The following UQCC1 variants were observed in gnomAD, a reference collection of about 807,000 sequenced individuals.
UQCC1 encodes the protein bFGF-repressed Zic-binding protein.
A neutral mutation model predicts 48.0 loss-of-function variants in UQCC1; 38 were observed. The observed-to-expected ratio is 0.79, with a 90% CI of 0.61 to 1.04. The LOEUF (loss-of-function observed/expected upper bound fraction) is 1.04, where lower values mean the gene tolerates loss of function less well. Among genes scored for constraint, UQCC1 ranks in the 50% least tolerant of loss-of-function variants. The probability of loss-of-function intolerance (pLI) is 0.00; values close to 1 mark genes in which losing one functional copy is unlikely to be tolerated. For synonymous variants in UQCC1, 111 were observed against 129.2 expected (o/e 0.86, Z 0.95); for missense variants, 368 against 381.8 (o/e 0.96, Z 0.30).
intron 7 of UQCC1, among the ~76,000 whole-genome samples, chr20:35,331,567 C>T (rs376393149): frequency 2.0e-5 from 3 of 152,116 alleles, no homozygotes; most frequent in Non-Finnish European, 4.4e-5. Context: ...ACACTTCACA[C>T]ATATCGTTTT....
At chr20:35,386,977 G>A (rs1476740232) in intron 2 of UQCC1, among the ~76,000 whole-genome samples, 2 of 151,938 alleles carry the variant, frequency 1.3e-5, no homozygotes, top group African/African-American at 4.8e-5. Context: ...CCTTTGCTTA[G>A]ATTAGAAAAT....
chr20:35,386,778 A>G (rs758066648), intron 2 of UQCC1, among the ~76,000 whole-genome samples: 18 of 151,486 alleles, frequency 1.2e-4, no homozygotes, highest in Non-Finnish European at 2.2e-4. Flanking sequence ...CTGTATTTCT[A>G]TCCTACCATT....
rs76795871 is a variant in UQCC1 at position 35,314,361 on chromosome 20, C to T, written c.651+327G>A. Reference sequence around the variant, plus strand: ...CCATGCTGTTTACGTGAATATCCTCCTCTCTCTGGGAGCACATGGGGCTAA... The same window carrying T: ...CCATGCTGTTTACGTGAATATCCTCTTCTCTCTGGGAGCACATGGGGCTAA... On this transcript the variant is annotated intron_variant, in intron 8 of 9. Transcript: ENST00000374385. 2.4e-3 allele frequency among the ~76,000 whole-genome samples: 365 copies of T among 152,180 alleles called. 11 individuals are homozygous for T. The East Asian group carries it at 0.067, about 28-fold the overall frequency.
At chr20:35,342,805 T>A (rs1047705989) in intron 7 of UQCC1, among the ~76,000 whole-genome samples, 3 of 152,262 alleles carry the variant, frequency 2.0e-5, no homozygotes, top group Admixed American at 6.5e-5. Context: ...AATGTTTTTT[T>A]AAGTCAGAAC....
rs2281555 is a variant in UQCC1, at chr20:35,314,912, C to T, written c.574-147G>A. The T allele has an allele frequency of 4.8e-3, 2,596 of 536,380 alleles. 98 individuals carry two copies. The East Asian group carries it at 0.077, about 16-fold the overall frequency. 33.2% of individuals were successfully genotyped at this position (536,380 alleles called of 1,614,324 possible). A position where few individuals can be genotyped will look rare whatever the true frequency, so the allele number is the denominator to read the frequency against. ...TCAAGCTGCCAGTCCATTCTCAATT[C>T]CCTGATGTGTCAGGATTCTCCCCAA... On this transcript the variant is annotated intron_variant, in intron 7 of 9. Coordinates refer to ENST00000374385, the MANE Select transcript of UQCC1 (RefSeq NM_018244.5).
Position 35,324,516 on chromosome 20 carries a change from C to T in UQCC1, c.574-9751G>A, listed in dbSNP as rs373592042. Among the ~76,000 whole-genome samples the T allele has an allele frequency of 3.3e-3, 505 of 152,192 alleles. 2 individuals carry two copies. The highest frequency in any genetic ancestry group is 0.011 in the African/African-American group (438 of 41,534). ...TAATTTGTTGTATTTTTAGTAGAGA[C>T]GGGGTTTCACCGTGTTAGCCAGGAT... On this transcript the variant is annotated intron_variant, in intron 7 of 9. Transcript: ENST00000374385.
intron 9 of UQCC1, 177 bp downstream of exon 9, chr20:35,306,489 C>A: frequency 1.7e-6 from 1 of 584,842 alleles, no homozygotes; most frequent in Non-Finnish European, 3.1e-6. Flanking sequence ...CTCCCTGGCC[C>A]AGTTCATGGT....
rs1019335424 is a variant in UQCC1, at chr20:35,352,616, A to G, written c.465-5344T>C. The stretch of plus-strand genomic sequence containing the variant: ...ATTATAATGGAGCAGAAAAATTCCT[A>G]TCACCTGGTCTAGATGATCCTGACC... On this transcript the variant is annotated intron_variant, in intron 6 of 9. Coordinates refer to ENST00000374385, the MANE Select transcript of UQCC1 (RefSeq NM_018244.5). 5.1e-4 allele frequency among the ~76,000 whole-genome samples: 77 copies of G among 152,310 alleles called. 1 individual carries two copies. The highest frequency in any genetic ancestry group is 5.9e-5 in the Non-Finnish European group (4 of 68,018).
Position 35,408,084 on chromosome 20 carries a change from A to G in UQCC1, c.24+3856T>C, listed in dbSNP as rs182735995. Among the ~76,000 whole-genome samples the G allele has an allele frequency of 5.3e-5, 8 of 152,318 alleles. No individual in the cohort carries two copies. The East Asian group carries it at 1.5e-3, about 29-fold the overall frequency. ...CTAGTCACTAGAGAAATGTAAATCA[A>G]TAATACAATGAGACACCATTTCATA... On this transcript the variant is annotated intron_variant, in intron 1 of 9. Transcript: ENST00000374385.
In UQCC1 at chr20:35,365,655, T is replaced by TTAA. The variant is rs1176299869; in HGVS notation, c.464+901_464+902insTTA. On this transcript the variant is annotated intron_variant, in intron 6 of 9. Transcript: ENST00000374385. ...CTAGGCAGCACAGTGAGACTATGTCTAAAAAAAAAAAAAAAAAAGCATAAA... is the reference window on the plus strand; with the variant it reads ...CTAGGCAGCACAGTGAGACTATGTCTTAAAAAAAAAAAAAAAAAAAAGCATAAA... 5.0e-5 allele frequency among the ~76,000 whole-genome samples: 6 copies of TTAA among 119,070 alleles called. No individual in the cohort carries two copies. The South Asian group carries it at 1.7e-3, about 34-fold the overall frequency. 78.1% of individuals were successfully genotyped at this position (119,070 alleles called of 152,430 possible).
rs1319730165 is a variant in UQCC1 at position 35,303,992 on chromosome 20, C to G, written c.843G>C (p.Lys281Asn). 1 of 1,614,064 alleles carries G rather than the reference C, an allele frequency of 6.2e-7. No homozygotes were observed. Among genetic ancestry groups the G allele is most frequent in the Non-Finnish European group, 8.5e-7 (1 of 1,180,028 alleles). The change falls in exon 10 of 10, where the codon AAG (lysine) becomes AAC (asparagine). Residue 281 changes from lysine (K) to asparagine (N), a missense_variant. Coordinates refer to ENST00000374385, the MANE Select transcript of UQCC1 (RefSeq NM_018244.5). ...GEVSWRPLVE[K>N]NPQSILKPHS... is the part of the protein sequence containing the mutation. ...GGGGCTTCAGGATGCTCTGAGGATT[C>G]TTCTCCACTAGAGGGCGCCAGCTCA...
intron 7 of UQCC1, among the ~76,000 whole-genome samples, chr20:35,317,283 T>A (rs1028401392): frequency 1.3e-5 from 2 of 152,244 alleles, no homozygotes; most frequent in African/African-American, 4.8e-5. Flanking sequence ...TGAGTTAGCA[T>A]GCATTCATTC....
intron 6 of UQCC1, among the ~76,000 whole-genome samples, chr20:35,356,855 G>GA (rs979727420): frequency 2.7e-5 from 4 of 150,132 alleles, no homozygotes; most frequent in African/African-American, 7.3e-5. Context: ...AGCACATCAG[G>GA]AAAAAAAAAG....
intron 7 of UQCC1, among the ~76,000 whole-genome samples, chr20:35,334,129 C>T (rs565920622): frequency 9.7e-4 from 147 of 152,290 alleles, no homozygotes; most frequent in Non-Finnish European, 1.8e-3. Context: ...TTCAAGAGCC[C>T]AACCTGAGCT....
At chr20:35,352,920 A>G (rs2061505374) in intron 6 of UQCC1, among the ~76,000 whole-genome samples, 2 of 152,104 alleles carry the variant, frequency 1.3e-5, no homozygotes, top group Admixed American at 6.5e-5. Flanking sequence ...CCTGGGCTCA[A>G]GTGATCTACC....
At chr20:35,406,555 T>C (rs564976875) in intron 1 of UQCC1, among the ~76,000 whole-genome samples, 14 of 152,212 alleles carry the variant, frequency 9.2e-5, no homozygotes, top group African/African-American at 3.4e-4. Context: ...ATAAACAAAA[T>C]GGAAAGAATT....
chr20:35,304,554 G>A (rs1432359002), intron 9 of UQCC1: 2 of 184,456 alleles, frequency 1.1e-5, no homozygotes, highest in South Asian at 1.2e-4. Flanking sequence ...TGAGAGAGGG[G>A]ATAGAAACAG....
chr20:35,401,294 T>C (rs574742624), intron 1 of UQCC1, among the ~76,000 whole-genome samples: 119 of 152,330 alleles, frequency 7.8e-4, no homozygotes, highest in African/African-American at 2.7e-3. Flanking sequence ...ATAAGGCACA[T>C]TGTGGCCTTC....
intron 7 of UQCC1, among the ~76,000 whole-genome samples, chr20:35,317,769 C>T (rs2061078234): frequency 2.0e-5 from 3 of 152,224 alleles, no homozygotes; most frequent in African/African-American, 7.2e-5. Flanking sequence ...TTACAAGGGC[C>T]TGTGTACTAC....
Sources: gnomAD v4.1 joint callset for allele counts (sites outside exome capture counted in the v4.1 genomes callset) on GRCh38, gnomAD v4.1.1 for gene constraint, MANE v1.5 for transcripts, NCBI Gene and HGNC (gene_info 2026-07-23, HGNC 2026-07-21) for gene names.